The following PLA2G4C variants were observed in gnomAD, a reference collection of about 807,000 sequenced individuals.
PLA2G4C encodes phospholipase A2 group IVC, also known as cytosolic phospholipase A2 gamma.
Under a neutral mutation model 73.8 loss-of-function variants are expected in PLA2G4C, and 64 were observed. The ratio of observed to expected loss-of-function variants is 0.87; its 90% CI spans 0.71 to 1.07. The LOEUF is 1.07. PLA2G4C is among the 50% of genes least tolerant of loss of function. PLA2G4C has a pLI of 0.00. For synonymous variants in PLA2G4C, 254 were observed against 252.1 expected, an observed-to-expected ratio of 1.01 and a Z score of -0.07; for missense variants, 622 against 665.4, an observed-to-expected ratio of 0.93 and a Z score of 0.72.
chr19:48,055,986 A>G (rs1441382152), intron 14 of PLA2G4C, among the ~76,000 whole-genome samples: 3 of 152,202 alleles, frequency 2.0e-5, no homozygotes, highest in African/African-American at 7.2e-5. Context: ...AGTAGGAGAA[A>G]TTAATTTTAA....
At position 48,105,344 on chromosome 19, in the gene PLA2G4C, C is replaced by T; in HGVS notation, c.109G>A (p.Glu37Lys). 6.2e-7 allele frequency: 1 copy of T among 1,612,068 alleles called. No individual in the cohort carries two copies. Among genetic ancestry groups the T allele is most frequent in the Non-Finnish European group, 8.5e-7 (1 of 1,178,808 alleles). Residue 37 changes from glutamate to lysine, a missense_variant, in exon 3 of 17, where the codon GAG becomes AAG. Glu to Lys is a moderately conservative substitution (Grantham distance 56). Coordinates refer to ENST00000599921, the MANE Select transcript of PLA2G4C (RefSeq NM_003706.3). ...VLKALKKLRI[E>K]ADEAPVVAVL... ...CTCCCCTCACTTACCTCATCAGCCT[C>T]AATCCTTAGCTTCTTCAGAGCTTTC...
chr19:48,098,445 C>A (rs1238560906), intron 5 of PLA2G4C, among the ~76,000 whole-genome samples, 186 bp from the exon 6 acceptor site: 1 of 151,812 alleles, frequency 6.6e-6, no homozygotes, highest in Non-Finnish European at 1.5e-5. Flanking sequence ...CCCACCTCAA[C>A]CTCCCAAGTA....
chr19:48,082,360 A>C (rs1181751100), intron 10 of PLA2G4C, among the ~76,000 whole-genome samples: 1 of 152,040 alleles, frequency 6.6e-6, no homozygotes, highest in Middle Eastern at 3.2e-3. Flanking sequence ...ATTTTTCCAC[A>C]TGTGCTGAAA....
chr19:48,079,756 G>A (rs992330227), intron 10 of PLA2G4C, among the ~76,000 whole-genome samples: 1 of 152,194 alleles, frequency 6.6e-6, no homozygotes, highest in Non-Finnish European at 1.5e-5. Context: ...CGGATCTTCA[G>A]GTCAGGAGTT....
At chr19:48,085,908 A>G (rs1332675584) in intron 9 of PLA2G4C, among the ~76,000 whole-genome samples, 1 of 152,182 alleles carries the variant, frequency 6.6e-6, no homozygotes, top group Non-Finnish European at 1.5e-5. Flanking sequence ...AGCTGTGGGA[A>G]GAACCCTGCA....
At chr19:48,056,473 G>A (rs540171917) in intron 14 of PLA2G4C, among the ~76,000 whole-genome samples, 3 of 152,024 alleles carry the variant, frequency 2.0e-5, no homozygotes, top group South Asian at 2.1e-4. Flanking sequence ...GCTTGAACCC[G>A]GGAGGCAGAG....
intron 14 of PLA2G4C, among the ~76,000 whole-genome samples, chr19:48,056,070 A>T (rs968940299): frequency 9.9e-5 from 15 of 152,188 alleles, no homozygotes; most frequent in Non-Finnish European, 1.2e-4. Context: ...AACAAGTTTC[A>T]TTTATTCTCT....
chr19:48,092,560 A>T (rs879920836), intron 7 of PLA2G4C, among the ~76,000 whole-genome samples: 4 of 151,876 alleles, frequency 2.6e-5, no homozygotes, highest in Non-Finnish European at 5.9e-5. Flanking sequence ...CGTACAATGG[A>T]ATATGATTCA....
chr19:48,107,676 T>TCA (rs1959989094), intron 1 of PLA2G4C, among the ~76,000 whole-genome samples: 1 of 152,134 alleles, frequency 6.6e-6, no homozygotes, highest in Non-Finnish European at 1.5e-5. Context: ...GCCTGAGTGA[T>TCA]GTCAGGCCCG....
chr19:48,072,700 G>C lies in PLA2G4C; in HGVS notation c.1006+2067C>G, dbSNP rs1179982595. 1 of 152,176 alleles carries C rather than the reference G, an allele frequency of 6.6e-6. No individual in the cohort carries two copies. Among genetic ancestry groups the C allele is most frequent in the African/African-American group, 2.4e-5 (1 of 41,438 alleles). 9.4% of individuals were successfully genotyped at this position (152,176 alleles called of 1,614,324 possible). On this transcript the variant is annotated intron_variant, in intron 12 of 16. Transcript: ENST00000599921. The surrounding 1 kb of genome is among the most constrained non-coding windows in gnomAD (Gnocchi z 4.4). Reference sequence around the variant, plus strand: ...GACAAAGGAAACCAGAGAATAGACTGATTTCATCCAACAGAGATAAAAACA... The same window carrying C: ...GACAAAGGAAACCAGAGAATAGACTCATTTCATCCAACAGAGATAAAAACA...
chr19:48,059,808 C>T (rs1968100199), intron 14 of PLA2G4C, among the ~76,000 whole-genome samples: 1 of 114,250 alleles, frequency 8.8e-6, no homozygotes. Context: ...TGCTCTTGTT[C>T]ACCAGGCTGG....
At chr19:48,105,032 A>G (rs1367368419) in intron 3 of PLA2G4C, among the ~76,000 whole-genome samples, 1 of 148,386 alleles carries the variant, frequency 6.7e-6, no homozygotes, top group East Asian at 2.1e-4. Flanking sequence ...GCAGTGAGCC[A>G]AGATCATGCC....
Position 48,048,003 on chromosome 19 carries a change from A to T in PLA2G4C, c.*340T>A. 3.1e-6 allele frequency: 1 copy of T among 319,208 alleles called. No individual in the cohort carries two copies. The highest frequency in any genetic ancestry group is 5.7e-6 in the Non-Finnish European group (1 of 175,126). The allele number at this position is 319,208 out of a possible 1,614,324, so 19.8% of individuals were successfully genotyped here. On this transcript the variant is annotated 3_prime_UTR_variant, in exon 17 of 17. Transcript: ENST00000599921. Reference sequence around the variant, plus strand: ...GCTAGAAGTGCAGTCATAAAGGAGCAGTGGAAGGCATTGGTCTGAACTATC... The same window carrying T: ...GCTAGAAGTGCAGTCATAAAGGAGCTGTGGAAGGCATTGGTCTGAACTATC...
chr19:48,100,260 T>C (rs2031826082), intron 4 of PLA2G4C, among the ~76,000 whole-genome samples: 1 of 152,118 alleles, frequency 6.6e-6, no homozygotes, highest in Non-Finnish European at 1.5e-5. Flanking sequence ...TTCATGCATG[T>C]AATCCCAGCA....
chr19:48,070,111 C>G (rs1287177177), intron 12 of PLA2G4C, among the ~76,000 whole-genome samples: 1 of 152,118 alleles, frequency 6.6e-6, no homozygotes, highest in East Asian at 1.9e-4. Flanking sequence ...ATCTGTAAAA[C>G]CAGGAAGAGA....
intron 11 of PLA2G4C, among the ~76,000 whole-genome samples, chr19:48,075,086 A>G (rs1322689046): frequency 3.3e-5 from 5 of 151,156 alleles, no homozygotes; most frequent in Non-Finnish European, 7.4e-5. Flanking sequence ...TAGCTCCTTC[A>G]TCTCTGCCTC....
intron 4 of PLA2G4C, 77 bp from the exon 5 acceptor site, chr19:48,099,937 A>AG: frequency 3.0e-6 from 3 of 1,007,306 alleles, no homozygotes; most frequent in Non-Finnish European, 4.5e-6. Flanking sequence ...GTGTGCAAGG[A>AG]GGTCCTTCAC....
At chr19:48,057,468 CTTCTTCTTCTTCTTCTTTTT>C (rs1394512825) in intron 14 of PLA2G4C, among the ~76,000 whole-genome samples, 3 of 18,514 alleles carry the variant, frequency 1.6e-4, no homozygotes, top group Non-Finnish European at 2.9e-4. Flanking sequence ...TCTTCTTCTT[CTTCTTCTTCTTCTTCTTTTT>C]TTTTTTTTTT....
chr19:48,064,441 A>AC lies in PLA2G4C; in HGVS notation c.1103-2290_1103-2289insG, dbSNP rs1392601058. 2.0e-5 allele frequency among the ~76,000 whole-genome samples: 3 copies of AC among 151,910 alleles called. No individual in the cohort carries two copies. In the East Asian group the frequency reaches 5.8e-4, roughly 29 times the overall value. ...GCAAAACTCTGTCTCAAAAAAAAAA[A>AC]AAACCAAAAACCATAATTACTATAT... On this transcript the variant is annotated intron_variant, in intron 13 of 16. Transcript: ENST00000599921.
Sources: allele counts gnomAD v4.1 joint callset (sites outside exome capture counted in the v4.1 genomes callset), GRCh38; gene constraint gnomAD v4.1.1; non-coding constraint Gnocchi (gnomAD v3.1); transcripts MANE v1.5; gene names NCBI Gene and HGNC (gene_info 2026-07-23, HGNC 2026-07-21).